CSMD3: variants seen among roughly 807,000 people sequenced by gnomAD.
CSMD3 encodes the protein CUB and sushi domain-containing protein 3.
Under a neutral mutation model 435.2 loss-of-function variants are expected in CSMD3, and 177 were observed. The ratio of observed to expected loss-of-function variants is 0.41; its 90% CI spans 0.36 to 0.46. The LOEUF (loss-of-function observed/expected upper bound fraction) is 0.46. CSMD3 is among the 20% of genes least tolerant of loss of function. The probability of loss-of-function intolerance (pLI) is 0.34; values close to 1 mark genes in which losing one functional copy is unlikely to be tolerated. For synonymous variants in CSMD3, 1,656 were observed against 1,520.5 expected (o/e 1.09, Z -2.07); for missense variants, 4,265 against 4,504.6 (o/e 0.95, Z 1.52).
chr8:112,293,900 G>T (rs1313531793), intron 54 of CSMD3, among the ~76,000 whole-genome samples: 1 of 151,934 alleles, frequency 6.6e-6, no homozygotes, highest in Non-Finnish European at 1.5e-5. Context: ...ATCTTATTCT[G>T]GTTTAAAATT....
intron 47 of CSMD3, among the ~76,000 whole-genome samples, chr8:112,315,233 T>C (rs1333932847): frequency 6.6e-6 from 1 of 151,868 alleles, no homozygotes; most frequent in Non-Finnish European, 1.5e-5. Context: ...AATATACCTC[T>C]GCTTTAATAT....
rs144717312 is a variant in CSMD3 at position 112,705,451 on chromosome 8, A to G, written c.1973-15401T>C. On this transcript the variant is annotated intron_variant, in intron 13 of 70. Transcript: ENST00000297405. ...GGATTTCTTTGTCTAAAAAGTATATAAGCTTTCTGCTCTGGTCACTTCTTT... is the reference window on the plus strand; with the variant it reads ...GGATTTCTTTGTCTAAAAAGTATATGAGCTTTCTGCTCTGGTCACTTCTTT... Among the ~76,000 whole-genome samples, 719 of 152,150 alleles carry G rather than the reference A, an allele frequency of 4.7e-3. 3 individuals are homozygous for G. The highest frequency in any genetic ancestry group is 7.4e-3 in the Non-Finnish European group (504 of 67,986).
At chr8:113,308,683 A>G (rs2093842929) in intron 2 of CSMD3, among the ~76,000 whole-genome samples, 1 of 152,154 alleles carries the variant, frequency 6.6e-6, no homozygotes, top group Non-Finnish European at 1.5e-5. Context: ...TTTGATAATT[A>G]ATTCTTTTTA....
At chr8:112,343,093 T>C (rs1825335978) in intron 41 of CSMD3, among the ~76,000 whole-genome samples, 1 of 146,814 alleles carries the variant, frequency 6.8e-6, no homozygotes, top group South Asian at 2.2e-4. Context: ...AGAGTATGGT[T>C]ATTAAAATGT....
chr8:112,550,655 T>G lies in CSMD3; in HGVS notation c.4564+16A>C. 1 of 1,490,668 alleles carries G rather than the reference T, an allele frequency of 6.7e-7. No individual in the cohort carries two copies. The highest frequency in any genetic ancestry group is 9.4e-7 in the Non-Finnish European group (1 of 1,068,804). 92.3% of individuals were successfully genotyped at this position (1,490,668 alleles called of 1,614,324 possible). A position where few individuals can be genotyped will look rare whatever the true frequency, so the allele number is the denominator to read the frequency against. ...CTTCCTATTTTGCATTGAAGAAATTTTTTGAAAAAACTTACTTGAAAACTG... is the reference window on the plus strand; with the variant it reads ...CTTCCTATTTTGCATTGAAGAAATTGTTTGAAAAAACTTACTTGAAAACTG... On this transcript the variant is annotated intron_variant, in intron 27 of 70. Transcript: ENST00000297405.
At chr8:112,512,741 C>T (rs1393166913) in intron 28 of CSMD3, among the ~76,000 whole-genome samples, 1 of 152,186 alleles carries the variant, frequency 6.6e-6, no homozygotes, top group Non-Finnish European at 1.5e-5. Context: ...ACATTGATTT[C>T]TCCTCTCTAG....
chr8:112,375,869 A>G (rs1037474793), intron 38 of CSMD3, among the ~76,000 whole-genome samples: 2 of 152,156 alleles, frequency 1.3e-5, no homozygotes, highest in African/African-American at 4.8e-5. Context: ...TCATTACGAC[A>G]TCCTATACCT....
At chr8:113,228,328 T>C (rs1391105145) in intron 3 of CSMD3, among the ~76,000 whole-genome samples, 1 of 151,626 alleles carries the variant, frequency 6.6e-6, no homozygotes, top group Non-Finnish European at 1.5e-5. Flanking sequence ...ACCTGAATTA[T>C]GATTACATAG....
intron 6 of CSMD3, among the ~76,000 whole-genome samples, chr8:113,011,307 T>C (rs1485219211): frequency 6.6e-6 from 1 of 151,860 alleles, no homozygotes; most frequent in Non-Finnish European, 1.5e-5. Flanking sequence ...AAAGATAAAA[T>C]GTTTTACTAG....
In CSMD3 at chr8:112,927,711, C is replaced by T. The variant is rs2082954598; in HGVS notation, c.1509-5960G>A. ...ACTTTTCTTCAAAACATAATGAATA[C>T]CATGTTTTTTTATACCTATTGCCTA... On this transcript the variant is annotated intron_variant, in intron 9 of 70. Transcript: ENST00000297405. Among the ~76,000 whole-genome samples, 4 of 151,974 alleles carry T rather than the reference C, an allele frequency of 2.6e-5. No individual in the cohort carries two copies. The South Asian group carries it at 8.3e-4, about 31-fold the overall frequency.
chr8:112,700,269 G>C (rs995896380), intron 13 of CSMD3, among the ~76,000 whole-genome samples: 1 of 152,142 alleles, frequency 6.6e-6, no homozygotes, highest in African/African-American at 2.4e-5. Flanking sequence ...GGGAGGCCAA[G>C]GAAGGCGGAT....
intron 3 of CSMD3, among the ~76,000 whole-genome samples, chr8:113,190,768 T>A (rs2092573353): frequency 6.6e-6 from 1 of 151,734 alleles, no homozygotes; most frequent in Admixed American, 6.6e-5. Context: ...AATGTTAACA[T>A]CACAACTTTG....
At chr8:113,207,034 T>A (rs534926494) in intron 3 of CSMD3, among the ~76,000 whole-genome samples, 61 of 152,286 alleles carry the variant, frequency 4.0e-4, no homozygotes, top group African/African-American at 1.3e-3. Flanking sequence ...CAAACAGATA[T>A]ACTAACTTAC....
At chr8:113,301,404 C>T (rs2093766093) in intron 2 of CSMD3, among the ~76,000 whole-genome samples, 1 of 151,944 alleles carries the variant, frequency 6.6e-6, no homozygotes, top group South Asian at 2.1e-4. Flanking sequence ...TATATTATGG[C>T]AATGAACTGT....
chr8:112,494,087 A>C (rs1313575717), intron 30 of CSMD3, among the ~76,000 whole-genome samples: 1 of 152,108 alleles, frequency 6.6e-6, no homozygotes, highest in Non-Finnish European at 1.5e-5. Flanking sequence ...TTTCATTCAT[A>C]AAAGTTTGCA....
chr8:112,374,141 T>C (rs1828716469), intron 38 of CSMD3, among the ~76,000 whole-genome samples: 1 of 152,208 alleles, frequency 6.6e-6, no homozygotes, highest in African/African-American at 2.4e-5. Context: ...AACTCAATAC[T>C]TAGCAAATAT....
At chr8:113,094,665 G>A (rs1354209333) in intron 5 of CSMD3, among the ~76,000 whole-genome samples, 1 of 152,048 alleles carries the variant, frequency 6.6e-6, no homozygotes, top group Non-Finnish European at 1.5e-5. Flanking sequence ...TTTCAAAGTA[G>A]CTAGAAGAGA....
chr8:113,238,386 A>T (rs2093174133), intron 3 of CSMD3, among the ~76,000 whole-genome samples: 3 of 152,114 alleles, frequency 2.0e-5, no homozygotes, highest in African/African-American at 7.2e-5. Context: ...ACAAAATTAT[A>T]TTGGGGTTAG....
chr8:112,662,592 C>T (rs2075413340), intron 17 of CSMD3, among the ~76,000 whole-genome samples: 1 of 152,128 alleles, frequency 6.6e-6, no homozygotes, highest in African/African-American at 2.4e-5. Context: ...CTAGGCAATA[C>T]CATTCAGGAC....
Sources: allele counts gnomAD v4.1 joint callset (sites outside exome capture counted in the v4.1 genomes callset), GRCh38; gene constraint gnomAD v4.1.1; transcripts MANE v1.5; gene names NCBI Gene and HGNC (gene_info 2026-07-23, HGNC 2026-07-21).